The following SNX2 variants were observed in gnomAD, a reference collection of about 807,000 sequenced individuals.
The protein encoded by SNX2 is sorting nexin-2.
Under a neutral mutation model 69.9 loss-of-function variants are expected in SNX2, and 25 were observed. That is an observed-to-expected ratio of 0.36 (90% CI 0.26 to 0.50). The LOEUF (loss-of-function observed/expected upper bound fraction) is 0.50. Among genes scored for constraint, SNX2 ranks in the 20% least tolerant of loss-of-function variants. SNX2 has a pLI of 0.97. For missense variants in SNX2, 551 were observed against 613.3 expected (o/e 0.90, Z 1.07); for synonymous variants, 229 against 200.4 (o/e 1.14, Z -1.20).
intron 1 of SNX2, among the ~76,000 whole-genome samples, chr5:122,792,421 C>G (rs545015535): frequency 6.6e-6 from 1 of 152,138 alleles, no homozygotes; most frequent in Non-Finnish European, 1.5e-5. Context: ...TGGTGAAACC[C>G]CTTCTCTACT....
intron 1 of SNX2, 90 bp downstream of exon 1, chr5:122,775,301 T>A: frequency 6.9e-7 from 1 of 1,455,012 alleles, no homozygotes; most frequent in Non-Finnish European, 9.2e-7. Flanking sequence ...CCATCCCCCG[T>A]GTTTGCAAGG....
intron 7 of SNX2, among the ~76,000 whole-genome samples, chr5:122,809,953 A>C (rs532873800): frequency 6.6e-6 from 1 of 152,284 alleles, no homozygotes; most frequent in Non-Finnish European, 1.5e-5. Flanking sequence ...ATTGTAGGAG[A>C]GGTCATAGAC....
chr5:122,804,686 A>C (rs1008184351), intron 6 of SNX2, among the ~76,000 whole-genome samples: 5 of 152,116 alleles, frequency 3.3e-5, no homozygotes, highest in Non-Finnish European at 7.4e-5. Context: ...TCCATAAGCA[A>C]TAAAGACTTA....
At chr5:122,825,032 T>A (rs1254196183) in intron 11 of SNX2, among the ~76,000 whole-genome samples, 1 of 152,138 alleles carries the variant, frequency 6.6e-6, no homozygotes, top group Non-Finnish European at 1.5e-5. Flanking sequence ...AGAACCAAAT[T>A]TGATTTTCTC....
chr5:122,827,233 G>A (rs1754169102), intron 12 of SNX2, 146 bp from the exon 13 acceptor site: 1 of 633,694 alleles, frequency 1.6e-6, no homozygotes, highest in African/African-American at 1.8e-5. Context: ...ACAGTTAAAT[G>A]CAATTTCTGT....
chr5:122,812,041 C>CT (rs1452565977), intron 7 of SNX2, among the ~76,000 whole-genome samples: 9 of 152,096 alleles, frequency 5.9e-5, no homozygotes, highest in Admixed American at 3.3e-4. Context: ...ATAATACAAC[C>CT]TTTTCTCACC....
Position 122,804,010 on chromosome 5 carries a change from G to A in SNX2, c.643+397G>A, listed in dbSNP as rs182235924. On this transcript the variant is annotated intron_variant, in intron 6 of 14. Coordinates refer to ENST00000379516, the MANE Select transcript of SNX2 (RefSeq NM_003100.4). ...AAAAAGTAGCCAGGCATGGTGGCAC[G>A]TGCCTGTAATTCCAGCTACTCGGTG... is the stretch of plus-strand genomic sequence containing the variant. The A allele has an allele frequency of 2.3e-3, 359 of 153,210 alleles. 4 individuals are homozygous for A. The highest frequency in any genetic ancestry group is 8.0e-3 in the African/African-American group (332 of 41,506). The allele number at this position is 153,210 out of a possible 1,614,324, so 9.5% of individuals were successfully genotyped here.
chr5:122,824,205 A>G (rs1754099170), intron 11 of SNX2, among the ~76,000 whole-genome samples: 1 of 148,946 alleles, frequency 6.7e-6, no homozygotes, highest in Non-Finnish European at 1.5e-5. Flanking sequence ...CTGTCTCAAA[A>G]AAAAAAAAAA....
intron 14 of SNX2, 179 bp downstream of exon 14, chr5:122,827,825 T>G (rs1464464938): frequency 3.7e-6 from 2 of 540,298 alleles, no homozygotes; most frequent in East Asian, 6.0e-5. Context: ...TCACGTGTTT[T>G]TTTTTTTTTT....
In SNX2 at chr5:122,783,130, A is replaced by G. The variant is rs1043236929; in HGVS notation, c.108+7919A>G. On this transcript the variant is annotated intron_variant, in intron 1 of 14. Transcript: ENST00000379516. ...TTTTTTTTTTTTTTGTATTTTTAGC[A>G]GAGACAAGGTTTCATAATGTTAGCC... Among the ~76,000 whole-genome samples, 21 of 149,334 alleles carry G rather than the reference A, an allele frequency of 1.4e-4. 3 individuals are homozygous for G. Among genetic ancestry groups the G allele is most frequent in the East Asian group, 3.9e-4 (2 of 5,128 alleles).
chr5:122,775,312 A>G, intron 1 of SNX2, 101 bp downstream of exon 1: 1 of 1,456,144 alleles, frequency 6.9e-7, no homozygotes, highest in Non-Finnish European at 9.1e-7. Context: ...GTTTGCAAGG[A>G]CCGTCTTGGG....
chr5:122,813,201 G>A (rs1014684592), intron 7 of SNX2, among the ~76,000 whole-genome samples: 2 of 151,684 alleles, frequency 1.3e-5, no homozygotes, highest in African/African-American at 4.8e-5. Context: ...TCTTAATTCC[G>A]AATTGGCATA....
intron 1 of SNX2, among the ~76,000 whole-genome samples, chr5:122,784,837 A>T (rs1460349776): frequency 6.6e-6 from 1 of 152,192 alleles, no homozygotes; most frequent in Non-Finnish European, 1.5e-5. Flanking sequence ...TGTTGATAGA[A>T]TTTACTAATG....
At chr5:122,797,670 A>G (rs1753414382) in intron 2 of SNX2, among the ~76,000 whole-genome samples, 1 of 152,186 alleles carries the variant, frequency 6.6e-6, no homozygotes, top group Non-Finnish European at 1.5e-5. Context: ...ACCAGAGGAG[A>G]GAATATAGAT....
chr5:122,777,578 A>T (rs1246517813), intron 1 of SNX2, among the ~76,000 whole-genome samples: 1 of 152,232 alleles, frequency 6.6e-6, no homozygotes, highest in East Asian at 1.9e-4. Flanking sequence ...TTTAATTTGC[A>T]GGGGGATCAA....
intron 1 of SNX2, among the ~76,000 whole-genome samples, chr5:122,789,649 A>G (rs148718530): frequency 1.3e-5 from 2 of 152,320 alleles, no homozygotes; most frequent in African/African-American, 4.8e-5. Context: ...ATTTATTCAT[A>G]TACACATACT....
Position 122,810,210 on chromosome 5 carries a change from C to T in SNX2, c.722+1855C>T, listed in dbSNP as rs569113123. ...AACAGATGCTTGAAGGCAGCATGCT[C>T]GTTAAGAGTCATCACCACTCCCTCA... On this transcript the variant is annotated intron_variant, in intron 7 of 14. Transcript: ENST00000379516. Among the ~76,000 whole-genome samples the T allele has an allele frequency of 3.7e-3, 561 of 150,780 alleles. 4 individuals are homozygous for T. Among genetic ancestry groups the T allele is most frequent in the Non-Finnish European group, 5.4e-3 (366 of 67,810 alleles).
intron 10 of SNX2, 103 bp from the exon 11 acceptor site, chr5:122,818,715 A>G (rs1753953234): frequency 7.0e-6 from 6 of 861,116 alleles, no homozygotes; most frequent in Non-Finnish European, 8.8e-6. Context: ...TATTTGAGCA[A>G]CTTGTGCATA....
intron 7 of SNX2, among the ~76,000 whole-genome samples, chr5:122,811,993 A>T (rs79857306): frequency 0.014 from 2,077 of 152,238 alleles, 16 homozygotes; most frequent in Non-Finnish European, 0.019. Flanking sequence ...GGATTATCTA[A>T]TTCATTAGGA....
Sources: gnomAD v4.1 joint callset for allele counts (sites outside exome capture counted in the v4.1 genomes callset) on GRCh38, gnomAD v4.1.1 for gene constraint, MANE v1.5 for transcripts, NCBI Gene and HGNC (gene_info 2026-07-23, HGNC 2026-07-21) for gene names.